LRRIQ1: variants seen among roughly 807,000 people sequenced by gnomAD.
LRRIQ1 encodes the protein leucine-rich repeat- and IQ domain-containing protein 1.
LRRIQ1 carries 210 observed loss-of-function variants against 211.9 expected under a neutral mutation model. The observed-to-expected ratio is 0.99, with a 90% CI of 0.89 to 1.11. The LOEUF (loss-of-function observed/expected upper bound fraction) is 1.11, where lower values mean the gene tolerates loss of function less well. Ranked by LOEUF, LRRIQ1 falls within the 50% of genes most tolerant of loss-of-function variation. LRRIQ1 has a pLI of 0.00. For missense variants in LRRIQ1, 2,136 were observed against 1,939.5 expected, an observed-to-expected ratio of 1.10 and a Z score of -1.90; for synonymous variants, 699 against 650.1, an observed-to-expected ratio of 1.08 and a Z score of -1.14.
chr12:85,083,871 GCATTTGGAAAAT>G (rs1416239326), intron 11 of LRRIQ1, among the ~76,000 whole-genome samples: 1 of 152,106 alleles, frequency 6.6e-6, no homozygotes, highest in Admixed American at 6.5e-5. Context: ...TGTTTTCTGT[GCATTTGGAAAAT>G]CACTGCTGTA....
chr12:85,099,707 G>A (rs1483848827), intron 13 of LRRIQ1, among the ~76,000 whole-genome samples: 3 of 151,680 alleles, frequency 2.0e-5, no homozygotes, highest in Non-Finnish European at 4.4e-5. Context: ...ACAATAAATT[G>A]TTTCTTTAAG....
At chr12:85,221,339 C>T (rs1894393899) in intron 24 of LRRIQ1, among the ~76,000 whole-genome samples, 1 of 152,102 alleles carries the variant, frequency 6.6e-6, no homozygotes, top group South Asian at 2.1e-4. Flanking sequence ...TATTTTATTT[C>T]ACAAATATTT....
At chr12:85,163,561 A>G (rs1891005773) in intron 24 of LRRIQ1, among the ~76,000 whole-genome samples, 1 of 152,192 alleles carries the variant, frequency 6.6e-6, no homozygotes, top group South Asian at 2.1e-4. Flanking sequence ...TTTAAAAAAA[A>G]ATTACTTTCT....
intron 1 of LRRIQ1, among the ~76,000 whole-genome samples, chr12:85,257,692 A>G (rs1896160188): frequency 6.6e-6 from 1 of 151,916 alleles, no homozygotes; most frequent in South Asian, 2.1e-4. Flanking sequence ...TACAGGCCAC[A>G]TGAGGAAAAG....
At chr12:85,102,913 G>T (rs1886459555) in intron 13 of LRRIQ1, among the ~76,000 whole-genome samples, 1 of 135,202 alleles carries the variant, frequency 7.4e-6, no homozygotes. Context: ...ATTATAGTGG[G>T]AATTAATTCA....
chr12:85,157,780 T>C (rs762713647), intron 23 of LRRIQ1, among the ~76,000 whole-genome samples: 4 of 151,722 alleles, frequency 2.6e-5, no homozygotes, highest in African/African-American at 7.3e-5. Flanking sequence ...GGTCTGAGTA[T>C]AGGGATTTTG....
intron 24 of LRRIQ1, among the ~76,000 whole-genome samples, chr12:85,195,067 A>T (rs1892821388): frequency 6.6e-6 from 1 of 152,180 alleles, no homozygotes; most frequent in Non-Finnish European, 1.5e-5. Context: ...AAACTAGAAA[A>T]TCTAGAAGAA....
At position 85,073,111 on chromosome 12, in the gene LRRIQ1, T is replaced by C. The variant is rs1276984092; in HGVS notation, c.2887+13T>C. 6.4e-7 allele frequency: 1 copy of C among 1,565,930 alleles called. No homozygotes were observed. The highest frequency in any genetic ancestry group is 1.8e-5 in the Admixed American group (1 of 57,138). On this transcript the variant is annotated intron_variant, in intron 11 of 26. Transcript: ENST00000393217. ...TTATACTGGAATTGTAAGTTGTGTT[T>C]ATTTTTTATTTTGTTACTCTTTATG... is the stretch of plus-strand genomic sequence containing the variant.
intron 11 of LRRIQ1, among the ~76,000 whole-genome samples, chr12:85,090,137 C>G (rs1011887161): frequency 3.9e-5 from 6 of 152,196 alleles, no homozygotes; most frequent in African/African-American, 7.2e-5. Flanking sequence ...TGGCATCTTC[C>G]ACGTGGTATT....
chr12:85,232,812 A>G, intron 26 of LRRIQ1, 56 bp downstream of exon 26: 1 of 1,176,438 alleles, frequency 8.5e-7, no homozygotes, highest in Non-Finnish European at 1.3e-6. Context: ...TGCTCAAATA[A>G]ATGGCACTTT....
chr12:85,054,669 A>T (rs934973397), intron 7 of LRRIQ1, among the ~76,000 whole-genome samples: 1 of 151,830 alleles, frequency 6.6e-6, no homozygotes, highest in Non-Finnish European at 1.5e-5. Flanking sequence ...TTTTTAAGTA[A>T]TCAGCTATCC....
At chr12:85,234,720 G>T (rs1388698680) in intron 26 of LRRIQ1, among the ~76,000 whole-genome samples, 1 of 152,106 alleles carries the variant, frequency 6.6e-6, no homozygotes, top group Non-Finnish European at 1.5e-5. Flanking sequence ...AAAAACCACT[G>T]CAACTGTTAC....
intron 3 of LRRIQ1, among the ~76,000 whole-genome samples, chr12:85,043,414 C>G (rs565540452): frequency 6.6e-6 from 1 of 152,058 alleles, no homozygotes; most frequent in Non-Finnish European, 1.5e-5. Context: ...TGTAGCCTCT[C>G]TCTGTGGCTT....
chr12:85,201,753 C>A (rs560881735), intron 24 of LRRIQ1, among the ~76,000 whole-genome samples: 1 of 151,992 alleles, frequency 6.6e-6, no homozygotes, highest in South Asian at 2.1e-4. Flanking sequence ...ATTTATCAAT[C>A]GTTTGTATGT....
chr12:85,199,622 C>T (rs886579148), intron 24 of LRRIQ1, among the ~76,000 whole-genome samples: 6 of 152,128 alleles, frequency 3.9e-5, no homozygotes, highest in African/African-American at 1.4e-4. Flanking sequence ...CACAATTCTA[C>T]ATTGCTGGGG....
At chr12:85,091,251 C>T (rs555219945) in intron 11 of LRRIQ1, among the ~76,000 whole-genome samples, 5 of 152,126 alleles carry the variant, frequency 3.3e-5, no homozygotes, top group South Asian at 2.1e-4. Flanking sequence ...TGTCCAGTCT[C>T]GGTTATTTAT....
intron 24 of LRRIQ1, among the ~76,000 whole-genome samples, chr12:85,212,787 TAGAGAGAGAGAG>T (rs372060277): frequency 6.7e-6 from 1 of 148,208 alleles, no homozygotes; most frequent in Non-Finnish European, 1.5e-5. Flanking sequence ...TATATATATA[TAGAGAGAGAGAG>T]AAAGAGAGAG....
At chr12:85,246,581 A>G (rs1449662208), downstream of LRRIQ1, among the ~76,000 whole-genome samples, 1 of 151,536 alleles carries the variant, frequency 6.6e-6, no homozygotes, top group Non-Finnish European at 1.5e-5. Flanking sequence ...AAGTTTCATC[A>G]TTCACTTACA....
At chr12:85,212,413 G>GT (rs966755032) in intron 24 of LRRIQ1, among the ~76,000 whole-genome samples, 26 of 152,040 alleles carry the variant, frequency 1.7e-4, no homozygotes, top group African/African-American at 6.0e-4. Flanking sequence ...AGAGAAATAC[G>GT]TTTTTTTAAA....
Sources: allele counts gnomAD v4.1 joint callset (sites outside exome capture counted in the v4.1 genomes callset), GRCh38; gene constraint gnomAD v4.1.1; transcripts MANE v1.5; gene names NCBI Gene and HGNC (gene_info 2026-07-23, HGNC 2026-07-21).